Variants in ANKRD28 observed in about 807,000 individuals in gnomAD.
ANKRD28 encodes serine/threonine-protein phosphatase 6 regulatory ankyrin repeat subunit A.
In ANKRD28, 44 loss-of-function variants were observed where a neutral mutation model predicts 126.5. That is an observed-to-expected ratio of 0.35 (90% CI 0.27 to 0.45). The LOEUF (loss-of-function observed/expected upper bound fraction) is 0.45, where lower values mean the gene tolerates loss of function less well. Ranked by LOEUF, ANKRD28 falls within the 20% of genes least tolerant of loss-of-function variation. The pLI is 1.00. For missense variants in ANKRD28, 1,110 were observed against 1,316.6 expected, an observed-to-expected ratio of 0.84 and a Z score of 2.43; for synonymous variants, 442 against 468.5, an observed-to-expected ratio of 0.94 and a Z score of 0.73.
chr3:15,685,376 T>A lies in ANKRD28; in HGVS notation c.2239A>T (p.Ser747Cys). ...QHGAKCLLRD[S>C]RGRTPIHLSA... Reference sequence around the variant, plus strand: ...AGGTGTATAGGCGTCCGGCCCCTGCTATCCCGAAGTAAGCACTTAGCACCA... The same window carrying A: ...AGGTGTATAGGCGTCCGGCCCCTGCAATCCCGAAGTAAGCACTTAGCACCA... Residue 747 changes from serine (S) to cysteine (C), a missense_variant, in exon 21 of 28, where the codon AGC becomes TGC. By Grantham distance (112) the Ser-to-Cys change is moderately radical. Transcript: ENST00000683139. 6.2e-7 allele frequency: 1 copy of A among 1,614,028 alleles called. No individual in the cohort carries two copies. Among genetic ancestry groups the A allele is most frequent in the Non-Finnish European group, 8.5e-7 (1 of 1,179,878 alleles).
chr3:15,714,316 A>T (rs1456073640), intron 9 of ANKRD28, among the ~76,000 whole-genome samples: 19 of 152,100 alleles, frequency 1.2e-4, no homozygotes, highest in Admixed American at 1.2e-3. Context: ...TCTATTTAGC[A>T]ATATTGAAAA....
intron 21 of ANKRD28, among the ~76,000 whole-genome samples, chr3:15,681,089 G>A (rs1575116697): frequency 6.6e-6 from 1 of 152,140 alleles, no homozygotes. Flanking sequence ...ACTCCCCACT[G>A]ACAGCAAAAC....
chr3:15,718,619 C>A (rs1000993852), intron 8 of ANKRD28, among the ~76,000 whole-genome samples: 5 of 152,114 alleles, frequency 3.3e-5, no homozygotes, highest in African/African-American at 1.2e-4. Flanking sequence ...ATATTCATGC[C>A]AAAATGGCAG....
At chr3:15,796,311 G>T (rs2060271431) in intron 1 of ANKRD28, 94 bp downstream of exon 1, 1 of 742,206 alleles carries the variant, frequency 1.3e-6, no homozygotes. Flanking sequence ...GGTTTGTAAA[G>T]AAACTATTGG....
Position 15,854,788 on chromosome 3 carries a change from C to T in ANKRD28, c.27+4589G>A, listed in dbSNP as rs1236190565. On this transcript the variant is annotated intron_variant, in intron 1 of 27. Coordinates refer to the ANKRD28 transcript ENST00000399451. This position sits in a 1 kb window ranked among gnomAD's most constrained non-coding sequence, Gnocchi z 4.1. ...AAGACACGCCAGGCATGGTGGCTCA[C>T]GCCTGTAATCCCAGCACTTTGGGAG... Among the ~76,000 whole-genome samples, 4 of 152,146 alleles carry T rather than the reference C, an allele frequency of 2.6e-5. 1 individual carries two copies. Among genetic ancestry groups the T allele is most frequent in the Admixed American group, 1.3e-4 (2 of 15,300 alleles).
chr3:15,791,368 T>G (rs1326954348), intron 2 of ANKRD28, among the ~76,000 whole-genome samples: 1 of 141,924 alleles, frequency 7.0e-6, no homozygotes, highest in Non-Finnish European at 1.6e-5. Flanking sequence ...CAAATTATGC[T>G]ACAGACCTAT....
rs781337701 is a variant in ANKRD28 at position 15,686,250 on chromosome 3, C to T, written c.2023G>A (p.Ala675Thr). The T allele has an allele frequency of 3.8e-6, 6 of 1,593,958 alleles. No homozygotes were observed. The Admixed American group carries it at 1.1e-4, about 28-fold the overall frequency. Residue 675 changes from alanine (A) to threonine (T), a missense_variant, in exon 19 of 28, where the codon GCA (alanine) becomes ACA (threonine). Transcript: ENST00000683139. ...CCATTTCCATCTTGAATATCCACTGCATTCTGTGGTTCTGCATTTCCTATT... is the reference window on the plus strand; with the variant it reads ...CCATTTCCATCTTGAATATCCACTGTATTCTGTGGTTCTGCATTTCCTATT... ...LLIGNAEPQN[A>T]VDIQDGNGQT...
chr3:15,817,458 A>G lies in ANKRD28; in HGVS notation c.28-22152T>C, dbSNP rs1211585851. On this transcript the variant is annotated intron_variant, in intron 1 of 27. Coordinates refer to the ANKRD28 transcript ENST00000399451. This position sits in a 1 kb window ranked among gnomAD's most constrained non-coding sequence, Gnocchi z 4.5. The stretch of plus-strand genomic sequence containing the variant: ...TTCTAATAAGGGAAAAGAGAAATAA[A>G]AAGTAAACTACAAAGCAGTGCAATA... Among the ~76,000 whole-genome samples, 2 of 152,174 alleles carry G rather than the reference A, an allele frequency of 1.3e-5. No homozygotes were observed. The highest frequency in any genetic ancestry group is 2.9e-5 in the Non-Finnish European group (2 of 68,026).
At chr3:15,859,350 G>A in intron 1 of ANKRD28, 1 of 1,524,538 alleles carries the variant, frequency 6.6e-7, no homozygotes, top group Non-Finnish European at 8.8e-7. Context: ...CGGACGGCGC[G>A]ATCCCGCCCT....
chr3:15,669,519 T>C lies in ANKRD28; in HGVS notation c.*751A>G, dbSNP rs945637379. 5.9e-5 allele frequency: 9 copies of C among 152,308 alleles called. No individual in the cohort carries two copies. The highest frequency in any genetic ancestry group is 2.2e-4 in the African/African-American group (9 of 41,570). 9.4% of individuals were successfully genotyped at this position (152,308 alleles called of 1,614,324 possible). ...TCCATCTCAATGTCTATGTCACAAGTATTTTCACCCGTATTGCACCCAGTC... is the reference window on the plus strand; with the variant it reads ...TCCATCTCAATGTCTATGTCACAAGCATTTTCACCCGTATTGCACCCAGTC... On this transcript the variant is annotated 3_prime_UTR_variant, in exon 28 of 28. Coordinates refer to ENST00000683139, the MANE Select transcript of ANKRD28 (RefSeq NM_001349278.2).
At chr3:15,831,834 G>A (rs542648870) in intron 1 of ANKRD28, among the ~76,000 whole-genome samples, 1 of 152,160 alleles carries the variant, frequency 6.6e-6, no homozygotes, top group Non-Finnish European at 1.5e-5. Context: ...TTCAAGAGAA[G>A]GAGAAGCCTC....
At chr3:15,804,398 A>G (rs566608625) in intron 1 of ANKRD28, among the ~76,000 whole-genome samples, 1 of 145,848 alleles carries the variant, frequency 6.9e-6, no homozygotes, top group South Asian at 2.3e-4. Flanking sequence ...AACTCTCCAT[A>G]AACCTCATTA....
intron 3 of ANKRD28, among the ~76,000 whole-genome samples, chr3:15,753,785 A>G (rs1426742951): frequency 6.6e-6 from 1 of 152,148 alleles, no homozygotes; most frequent in East Asian, 1.9e-4. Flanking sequence ...TCTACTAAAA[A>G]TACAAAAATT....
chr3:15,705,141 T>C (rs2071181501), intron 14 of ANKRD28, among the ~76,000 whole-genome samples: 1 of 152,182 alleles, frequency 6.6e-6, no homozygotes, highest in Admixed American at 6.5e-5. Context: ...CTGTTTAGTG[T>C]ACATACTGAG....
chr3:15,814,170 A>G lies in ANKRD28; in HGVS notation c.28-18864T>C. 1.1e-6 allele frequency: 1 copy of G among 877,682 alleles called. No individual in the cohort carries two copies. Among genetic ancestry groups the G allele is most frequent in the Non-Finnish European group, 1.5e-6 (1 of 680,348 alleles). The allele number at this position is 877,682 out of a possible 1,614,324, so 54.4% of individuals were successfully genotyped here. Reference sequence around the variant, plus strand: ...GAAAGCTAAGTTACAAGGAGGCTTAAACAGCAACAAACTAACAAATTACAA... The same window carrying G: ...GAAAGCTAAGTTACAAGGAGGCTTAGACAGCAACAAACTAACAAATTACAA... On this transcript the variant is annotated intron_variant, in intron 1 of 27. Transcript: ENST00000399451. The surrounding 1 kb of genome is among the most constrained non-coding windows in gnomAD (Gnocchi z 4.7).
intron 3 of ANKRD28, among the ~76,000 whole-genome samples, chr3:15,760,587 G>C (rs1304754788): frequency 6.6e-6 from 1 of 152,108 alleles, no homozygotes; most frequent in Admixed American, 6.5e-5. Flanking sequence ...AACCATCCCA[G>C]AAAATAAGAT....
Position 15,670,321 on chromosome 3 carries a change from G to A in ANKRD28, c.3201C>T (p.Tyr1067=). The change falls in exon 28 of 28, where the codon TAC becomes TAT. Residue 1067 remains tyrosine, a synonymous_variant. Coordinates refer to ENST00000683139, the MANE Select transcript of ANKRD28 (RefSeq NM_001349278.2). ...SFNNIGGEQE[Y]LYTDVDELND... is the part of the protein sequence containing the mutation. ...TGAGCTCATCCACGTCAGTGTATAA[G>A]TACTCCTGTTCCCCTCCAATGTTAT... 1 of 1,613,686 alleles carries A rather than the reference G, an allele frequency of 6.2e-7. No individual in the cohort carries two copies. The highest frequency in any genetic ancestry group is 8.5e-7 in the Non-Finnish European group (1 of 1,179,684).
chr3:15,798,333 TA>T (rs1430295859), upstream of ANKRD28: 24 of 199,420 alleles, frequency 1.2e-4, no homozygotes, highest in Non-Finnish European at 1.9e-4. Flanking sequence ...AATATTTTAT[TA>T]GATTATAAAA....
chr3:15,747,271 G>A (rs1371221174), intron 4 of ANKRD28, among the ~76,000 whole-genome samples: 2 of 150,552 alleles, frequency 1.3e-5, no homozygotes, highest in African/African-American at 4.9e-5. Flanking sequence ...CTCCAGTTCT[G>A]TGAGGTATGG....
Sources: allele counts gnomAD v4.1 joint callset (sites outside exome capture counted in the v4.1 genomes callset), GRCh38; gene constraint gnomAD v4.1.1; non-coding constraint Gnocchi (gnomAD v3.1); transcripts MANE v1.5; gene names NCBI Gene and HGNC (gene_info 2026-07-23, HGNC 2026-07-21).